The following EXT1 variants were observed in gnomAD, a reference collection of about 807,000 sequenced individuals.
EXT1 encodes exostosin glycosyltransferase 1.
Under a neutral mutation model 82.5 loss-of-function variants are expected in EXT1, and 20 were observed. The observed-to-expected ratio is 0.24, with a 90% CI of 0.17 to 0.35. The LOEUF (loss-of-function observed/expected upper bound fraction) is 0.35. EXT1 is among the 10% of genes least tolerant of loss of function. The pLI is 1.00. For missense variants in EXT1, 757 were observed against 936.5 expected, an observed-to-expected ratio of 0.81 and a Z score of 2.50; for synonymous variants, 348 against 350.8, an observed-to-expected ratio of 0.99 and a Z score of 0.09.
At chr8:117,944,921 GGGAGGC>G (rs1356131024) in intron 1 of EXT1, among the ~76,000 whole-genome samples, 21 of 152,188 alleles carry the variant, frequency 1.4e-4, no homozygotes, top group Admixed American at 3.9e-4. Flanking sequence ...CCAGCACTTT[GGGAGGC>G]GGAGGCGGGC....
At chr8:118,065,904 T>C (rs1816976659) in intron 1 of EXT1, among the ~76,000 whole-genome samples, 2 of 152,180 alleles carry the variant, frequency 1.3e-5, no homozygotes, top group African/African-American at 2.4e-5. Flanking sequence ...ACCTTGGACA[T>C]GGGACTGAGG....
chr8:118,088,468 G>A (rs1338271197), intron 1 of EXT1, among the ~76,000 whole-genome samples: 1 of 150,160 alleles, frequency 6.7e-6, no homozygotes, highest in Admixed American at 6.7e-5. Flanking sequence ...AACAGTGGCT[G>A]CTATCTGATT....
At chr8:118,094,724 C>T (rs932552553) in intron 1 of EXT1, among the ~76,000 whole-genome samples, 28 of 152,152 alleles carry the variant, frequency 1.8e-4, no homozygotes, top group African/African-American at 6.5e-4. Flanking sequence ...GACAGAGTCA[C>T]CATCTGAATT....
intron 10 of EXT1, among the ~76,000 whole-genome samples, chr8:117,801,026 CTGTGTATT>C (rs1823159331): frequency 6.6e-6 from 1 of 152,218 alleles, no homozygotes; most frequent in South Asian, 2.1e-4. Context: ...CACGTGTGTT[CTGTGTATT>C]TGTTGTACTC....
intron 1 of EXT1, among the ~76,000 whole-genome samples, chr8:118,063,119 A>G (rs185445155): frequency 6.6e-6 from 1 of 152,324 alleles, no homozygotes; most frequent in Non-Finnish European, 1.5e-5. Flanking sequence ...AAAACTTGTC[A>G]TCACTGACAA....
At chr8:118,058,251 G>A (rs1816827059) in intron 1 of EXT1, among the ~76,000 whole-genome samples, 1 of 152,134 alleles carries the variant, frequency 6.6e-6, no homozygotes, top group African/African-American at 2.4e-5. Flanking sequence ...TCTAAGGTTT[G>A]AAAGTAATAT....
chr8:117,959,421 T>C (rs1814653757), intron 1 of EXT1, among the ~76,000 whole-genome samples: 1 of 152,248 alleles, frequency 6.6e-6, no homozygotes, highest in Non-Finnish European at 1.5e-5. Flanking sequence ...GCTAGCACTA[T>C]ATTTGAAGGC....
chr8:117,826,805 C>T (rs961473544), intron 4 of EXT1, among the ~76,000 whole-genome samples: 2 of 151,652 alleles, frequency 1.3e-5, no homozygotes, highest in Non-Finnish European at 2.9e-5. Context: ...AACTGTGTTG[C>T]TAAAAAAAAA....
intron 1 of EXT1, among the ~76,000 whole-genome samples, chr8:118,044,828 C>T (rs13277610): frequency 0.35 from 53,872 of 152,158 alleles, 10,470 homozygotes; most frequent in Middle Eastern, 0.47. Flanking sequence ...CGCCCCACCG[C>T]ATGCTTTTGT....
At chr8:118,021,870 A>G (rs1189750701) in intron 1 of EXT1, among the ~76,000 whole-genome samples, 22 of 152,204 alleles carry the variant, frequency 1.4e-4, no homozygotes, top group Admixed American at 1.4e-3. Flanking sequence ...TCCTTCTAGC[A>G]TAAAGAAGTG....
intron 4 of EXT1, among the ~76,000 whole-genome samples, chr8:117,825,874 C>T (rs575344898): frequency 4.1e-4 from 63 of 152,278 alleles, no homozygotes; most frequent in African/African-American, 1.5e-3. Context: ...ACTCCACTAA[C>T]TATATACCTT....
intron 1 of EXT1, among the ~76,000 whole-genome samples, chr8:117,989,202 C>A (rs1359320497): frequency 6.6e-6 from 1 of 152,008 alleles, no homozygotes; most frequent in Non-Finnish European, 1.5e-5. Flanking sequence ...CCTAGCAAGT[C>A]CCATTGGCTC....
chr8:118,004,406 G>T (rs1407673521), intron 1 of EXT1, among the ~76,000 whole-genome samples: 1 of 152,212 alleles, frequency 6.6e-6, no homozygotes, highest in Non-Finnish European at 1.5e-5. Flanking sequence ...GGAGCTAAAT[G>T]AGTCTTTATT....
chr8:118,027,168 GGTTA>G (rs953768799), intron 1 of EXT1, among the ~76,000 whole-genome samples: 1 of 151,992 alleles, frequency 6.6e-6, no homozygotes, highest in Non-Finnish European at 1.5e-5. Context: ...CACTACTCAG[GGTTA>G]GTGTTTTGAA....
At chr8:117,877,998 T>C (rs1245971105) in intron 1 of EXT1, among the ~76,000 whole-genome samples, 1 of 152,122 alleles carries the variant, frequency 6.6e-6, no homozygotes, top group East Asian at 1.9e-4. Context: ...TTCGGCTAGG[T>C]GCGGTGGCTC....
At chr8:118,059,914 A>G (rs371819135) in intron 1 of EXT1, among the ~76,000 whole-genome samples, 14 of 152,304 alleles carry the variant, frequency 9.2e-5, no homozygotes, top group African/African-American at 3.1e-4. Flanking sequence ...ACAACTTGCA[A>G]TTCCATGCAG....
At chr8:118,070,057 C>T (rs1817060676) in intron 1 of EXT1, among the ~76,000 whole-genome samples, 1 of 152,172 alleles carries the variant, frequency 6.6e-6, no homozygotes, top group African/African-American at 2.4e-5. Flanking sequence ...CTGATTATGT[C>T]CAAGTTTAAA....
At position 117,797,386 on chromosome 8, in the gene EXT1, G is replaced by A. The variant is rs1260075051; in HGVS notation, c.*2326C>T. 2.0e-5 allele frequency: 3 copies of A among 152,192 alleles called. No individual in the cohort carries two copies. Among genetic ancestry groups the A allele is most frequent in the Non-Finnish European group, 4.4e-5 (3 of 68,050 alleles). The allele number at this position is 152,192 out of a possible 1,614,324, so 9.4% of individuals were successfully genotyped here. ...TACCATTTTTCTTCACATAACACAT[G>A]TTGTTTGTGGAGGATATGTGTTGTG... On this transcript the variant is annotated 3_prime_UTR_variant, in exon 11 of 11. Coordinates refer to ENST00000378204, the MANE Select transcript of EXT1 (RefSeq NM_000127.3).
intron 1 of EXT1, among the ~76,000 whole-genome samples, chr8:118,035,762 T>C (rs1586355762): frequency 6.6e-6 from 1 of 152,328 alleles, no homozygotes; most frequent in East Asian, 1.9e-4. Flanking sequence ...ACTTGAAATC[T>C]AAACTGAACA....
Sources: gnomAD v4.1 joint callset for allele counts (sites outside exome capture counted in the v4.1 genomes callset) on GRCh38, gnomAD v4.1.1 for gene constraint, MANE v1.5 for transcripts, NCBI Gene and HGNC (gene_info 2026-07-23, HGNC 2026-07-21) for gene names.